WDR86: variants seen among roughly 807,000 people sequenced by gnomAD.
WDR86 encodes WD repeat-containing protein 86.
In WDR86, 30 loss-of-function variants were observed where a neutral mutation model predicts 36.5. That is an observed-to-expected ratio of 0.82 (90% CI 0.61 to 1.11). The LOEUF (loss-of-function observed/expected upper bound fraction) is 1.11. WDR86 is among the 50% of genes most tolerant of loss of function. The pLI, the probability that WDR86 is intolerant of heterozygous loss-of-function variation, is 0.00. For synonymous variants in WDR86, 255 were observed against 252.9 expected (o/e 1.01, Z -0.08); for missense variants, 545 against 561.2 (o/e 0.97, Z 0.29).
Position 151,390,336 on chromosome 7 carries a change from G to A in WDR86, c.727-5113C>T, listed in dbSNP as rs565546288. 1.1e-4 allele frequency among the ~76,000 whole-genome samples: 17 copies of A among 152,240 alleles called. No individual in the cohort carries two copies. The East Asian group carries it at 1.7e-3, about 16-fold the overall frequency. On this transcript the variant is annotated intron_variant, in intron 3 of 5. Coordinates refer to ENST00000334493, the MANE Select transcript of WDR86 (RefSeq NM_198285.3). The surrounding 1 kb of genome is among the most constrained non-coding windows in gnomAD (Gnocchi z 4.5). ...TCTGGCCACGCCAGGGGCAGCCATCGTGTGTCCCCACTTGGCAGATTGTGA... is the reference window on the plus strand; with the variant it reads ...TCTGGCCACGCCAGGGGCAGCCATCATGTGTCCCCACTTGGCAGATTGTGA...
chr7:151,374,214 G>A, downstream of WDR86: 1 of 1,562,094 alleles, frequency 6.4e-7, no homozygotes, highest in Non-Finnish European at 8.7e-7. Flanking sequence ...ACTCCACGCA[G>A]CCAGCGGGAA....
At chr7:151,384,569 A>G (rs75944144) in intron 4 of WDR86, among the ~76,000 whole-genome samples, 4,106 of 152,342 alleles carry the variant, frequency 0.027, 202 homozygotes, top group African/African-American at 0.094. Flanking sequence ...GACGAAGAAG[A>G]GTGACAGAAG....
the WDR86 span, among the ~76,000 whole-genome samples, chr7:151,370,649 C>T: frequency 2.2e-4 from 34 of 151,346 alleles, no homozygotes; most frequent in African/African-American, 7.8e-4. Context: ...CCCATTAACT[C>T]GTCATTTAGC....
intron 3 of WDR86, among the ~76,000 whole-genome samples, chr7:151,387,483 A>G (rs1321504662): frequency 6.6e-6 from 1 of 152,142 alleles, no homozygotes; most frequent in Non-Finnish European, 1.5e-5. Flanking sequence ...GTTTCCTGAC[A>G]GGACAGGGAG....
downstream of WDR86, chr7:151,377,790 G>C (rs765882810): frequency 6.6e-6 from 1 of 152,272 alleles, no homozygotes; most frequent in Non-Finnish European, 1.5e-5. Flanking sequence ...GCCACACCAG[G>C]TCGCAGCAAA....
At chr7:151,394,061 C>T (rs187004369) in intron 3 of WDR86, among the ~76,000 whole-genome samples, 4 of 152,294 alleles carry the variant, frequency 2.6e-5, no homozygotes, top group African/African-American at 4.8e-5. Context: ...GGAGCTGAGG[C>T]CAAGGGAAAC....
At chr7:151,391,712 T>G (rs1799451803) in intron 3 of WDR86, among the ~76,000 whole-genome samples, 1 of 152,064 alleles carries the variant, frequency 6.6e-6, no homozygotes, top group African/African-American at 2.4e-5. Flanking sequence ...TGCACCAAAA[T>G]GTCACCCAAC....
rs746708593 is a variant in WDR86 at position 151,406,694 on chromosome 7, G to A, written c.163+2733C>T. On this transcript the variant is annotated intron_variant, in intron 1 of 5. Coordinates refer to ENST00000334493, the MANE Select transcript of WDR86 (RefSeq NM_198285.3). This position sits in a 1 kb window ranked among gnomAD's most constrained non-coding sequence, Gnocchi z 4.4. ...AAGTCCTGCCACCGCACCACGCCTC[G>A]AGGGATGTTGGCGACAGCACCCACC... is the stretch of plus-strand genomic sequence containing the variant. Among the ~76,000 whole-genome samples the A allele has an allele frequency of 3.3e-5, 5 of 152,100 alleles. No individual in the cohort carries two copies. The highest frequency in any genetic ancestry group is 1.3e-4 in the Admixed American group (2 of 15,268).
downstream of WDR86, chr7:151,374,620 TGTAA>T (rs1357231209): frequency 7.1e-6 from 2 of 281,058 alleles, no homozygotes; most frequent in Non-Finnish European, 1.4e-5. Context: ...AAATTTTAAA[TGTAA>T]GTATCTAGTT....
chr7:151,380,600 T>C (rs1277222360), downstream of WDR86, among the ~76,000 whole-genome samples: 1 of 152,084 alleles, frequency 6.6e-6, no homozygotes, highest in East Asian at 1.9e-4. Flanking sequence ...GCTCAGGTGC[T>C]GTGAGGGGTG....
At chr7:151,373,759 C>T (rs1400637966), downstream of WDR86, among the ~76,000 whole-genome samples, 1 of 152,244 alleles carries the variant, frequency 6.6e-6, no homozygotes, top group African/African-American at 2.4e-5. Context: ...AATCCATGCA[C>T]CTCACACCCG....
chr7:151,409,365 G>A lies in WDR86; in HGVS notation c.163+62C>T, dbSNP rs576180583. On this transcript the variant is annotated intron_variant, in intron 1 of 5. Coordinates refer to ENST00000334493, the MANE Select transcript of WDR86 (RefSeq NM_198285.3). The surrounding 1 kb of genome is among the most constrained non-coding windows in gnomAD (Gnocchi z 5.2). ...GGGGTCTGCGGGCGCAGGAGCTGGG[G>A]TCCGCGGTCTGGGGCCGGTGAGCTG... is the stretch of plus-strand genomic sequence containing the variant. The A allele has an allele frequency of 4.0e-4, 618 of 1,541,696 alleles. No homozygotes were observed. The highest frequency in any genetic ancestry group is 5.2e-4 in the Non-Finnish European group (595 of 1,141,550).
chr7:151,399,967 C>T (rs1800160839), intron 2 of WDR86, 133 bp downstream of exon 2: 2 of 825,966 alleles, frequency 2.4e-6, no homozygotes, highest in South Asian at 5.4e-5. Flanking sequence ...CTGACCACCT[C>T]CCAGCTGTCC....
At chr7:151,398,768 G>A (rs1585034216) in intron 2 of WDR86, among the ~76,000 whole-genome samples, 1 of 152,296 alleles carries the variant, frequency 6.6e-6, no homozygotes, top group East Asian at 1.9e-4. Flanking sequence ...GGCCGAGCAT[G>A]ATTTCTACCT....
chr7:151,373,598 G>C (rs1798056745), downstream of WDR86, among the ~76,000 whole-genome samples: 1 of 152,236 alleles, frequency 6.6e-6, no homozygotes, highest in African/African-American at 2.4e-5. Context: ...AGGCTGTGGG[G>C]GGCGGGTCAC....
intron 3 of WDR86, among the ~76,000 whole-genome samples, chr7:151,393,015 A>G (rs1235786128): frequency 1.3e-5 from 2 of 151,968 alleles, no homozygotes; most frequent in African/African-American, 4.8e-5. Context: ...TTCTGTCCCC[A>G]GTCCTCTTCC....
At chr7:151,393,879 G>A (rs149584236) in intron 3 of WDR86, among the ~76,000 whole-genome samples, 21 of 152,268 alleles carry the variant, frequency 1.4e-4, no homozygotes, top group Non-Finnish European at 2.1e-4. Flanking sequence ...AGGGAGGGCC[G>A]GGGAGCGTGA....
At chr7:151,374,300 G>C (rs1258202206), downstream of WDR86, 5 of 1,539,656 alleles carry the variant, frequency 3.2e-6, no homozygotes, top group Non-Finnish European at 4.4e-6. Context: ...CCTGCCCAGA[G>C]CTCCCTCCAT....
chr7:151,409,287 C>A lies in WDR86; in HGVS notation c.163+140G>T, dbSNP rs536716864. 1.2e-4 allele frequency: 163 copies of A among 1,368,366 alleles called. 4 individuals carry two copies. The South Asian group carries it at 2.2e-3, about 19-fold the overall frequency. The allele number at this position is 1,368,366 out of a possible 1,614,324, so 84.8% of individuals were successfully genotyped here. ...TCAACAGCCAGATGCTGGGCCCAGA[C>A]AAGCGCTCTTCCGCTAGTGTGCCGG... On this transcript the variant is annotated intron_variant, in intron 1 of 5. Coordinates refer to ENST00000334493, the MANE Select transcript of WDR86 (RefSeq NM_198285.3). This position sits in a 1 kb window ranked among gnomAD's most constrained non-coding sequence, Gnocchi z 5.2.
Sources: gnomAD v4.1 joint callset for allele counts (sites outside exome capture counted in the v4.1 genomes callset) on GRCh38, gnomAD v4.1.1 for gene constraint, Gnocchi (gnomAD v3.1) non-coding constraint, MANE v1.5 for transcripts, NCBI Gene and HGNC (gene_info 2026-07-23, HGNC 2026-07-21) for gene names.